Variants in RNF216 observed in about 807,000 individuals in gnomAD.
RNF216 encodes the protein ring finger protein 216, also known as E3 ubiquitin-protein ligase RNF216.
A neutral mutation model predicts 110.8 loss-of-function variants in RNF216; 72 were observed. That is an observed-to-expected ratio of 0.65 (90% CI 0.54 to 0.79). RNF216 has a LOEUF of 0.79. Among genes scored for constraint, RNF216 ranks in the 30% least tolerant of loss-of-function variants. The probability of loss-of-function intolerance (pLI) is 0.00; values close to 1 mark genes in which losing one functional copy is unlikely to be tolerated. For synonymous variants in RNF216, 495 were observed against 407.5 expected (o/e 1.21, Z -2.59); for missense variants, 1,342 against 1,141.2 (o/e 1.18, Z -2.54).
At chr7:5,735,498 C>G (rs6463508) in intron 5 of RNF216, among the ~76,000 whole-genome samples, 149,016 of 152,336 alleles carry the variant, frequency 0.98, 72,899 homozygotes, top group Middle Eastern at 0.99. Context: ...ATAACCAAGA[C>G]AATTAAAAGC....
At chr7:5,710,850 C>A (rs185845343) in intron 13 of RNF216, among the ~76,000 whole-genome samples, 1 of 152,210 alleles carries the variant, frequency 6.6e-6, no homozygotes. Flanking sequence ...ACAAGGGACA[C>A]GCTAGCACTC....
intron 13 of RNF216, among the ~76,000 whole-genome samples, chr7:5,664,045 G>A (rs778637618): frequency 6.6e-6 from 1 of 152,156 alleles, no homozygotes. Flanking sequence ...TACATCTCAG[G>A]TATCTTTGGA....
chr7:5,752,717 A>G (rs1795396162), intron 3 of RNF216, 129 bp downstream of exon 3: 1 of 819,940 alleles, frequency 1.2e-6, no homozygotes, highest in African/African-American at 1.7e-5. Flanking sequence ...CACGAGGTAG[A>G]ATGGAAAAGG....
intron 3 of RNF216, among the ~76,000 whole-genome samples, chr7:5,748,532 G>A (rs887884850): frequency 6.6e-6 from 1 of 151,796 alleles, no homozygotes; most frequent in African/African-American, 2.4e-5. Flanking sequence ...GTGAGCCACC[G>A]TGTCCAGTTT....
chr7:5,670,297 C>G (rs889733347), intron 13 of RNF216, among the ~76,000 whole-genome samples: 4 of 152,060 alleles, frequency 2.6e-5, no homozygotes, highest in Admixed American at 6.6e-5. Context: ...TGCACATGCA[C>G]TGCTCCCCTG....
intron 13 of RNF216, among the ~76,000 whole-genome samples, chr7:5,684,935 A>T (rs1400981012): frequency 6.6e-6 from 1 of 152,046 alleles, no homozygotes; most frequent in African/African-American, 2.4e-5. Flanking sequence ...GTTAGTCTGT[A>T]GCTTTGTCAC....
At chr7:5,661,526 G>T (rs1425739026) in intron 13 of RNF216, among the ~76,000 whole-genome samples, 1 of 152,158 alleles carries the variant, frequency 6.6e-6, no homozygotes, top group East Asian at 1.9e-4. Flanking sequence ...AATACGGCTG[G>T]GCATGGTGGT....
At chr7:5,688,512 A>C (rs148626128) in intron 13 of RNF216, among the ~76,000 whole-genome samples, 4 of 152,258 alleles carry the variant, frequency 2.6e-5, no homozygotes, top group Admixed American at 1.3e-4. Context: ...ACAAAAAGCA[A>C]AAACTCCCCT....
At chr7:5,744,844 T>C (rs1467230083) in intron 3 of RNF216, among the ~76,000 whole-genome samples, 2 of 152,046 alleles carry the variant, frequency 1.3e-5, no homozygotes, top group Non-Finnish European at 2.9e-5. Context: ...TGGTAGCGCA[T>C]GCCTGTAATC....
chr7:5,750,957 C>T (rs1795297049), intron 3 of RNF216, among the ~76,000 whole-genome samples: 1 of 152,096 alleles, frequency 6.6e-6, no homozygotes, highest in African/African-American at 2.4e-5. Flanking sequence ...TAAAACACAG[C>T]AAGTATTGCA....
chr7:5,732,676 T>C (rs545378944), intron 5 of RNF216, among the ~76,000 whole-genome samples: 2 of 152,170 alleles, frequency 1.3e-5, no homozygotes, highest in Non-Finnish European at 2.9e-5. Context: ...GCACAGAAAA[T>C]GAAGGACAAA....
At chr7:5,732,985 C>CT (rs1007208073) in intron 5 of RNF216, 7 of 152,214 alleles carry the variant, frequency 4.6e-5, no homozygotes, top group Non-Finnish European at 8.8e-5. Context: ...ATGTGGTTCT[C>CT]TAATGAATAG....
rs1786290942 is a variant in RNF216, at chr7:5,620,573, G to A, written c.*2287C>T. ...TGGTCCCCCGTGCCTGGCTCGGGGA[G>A]GATCCTCAGGAATCAGGGACCCTCC... On this transcript the variant is annotated 3_prime_UTR_variant, in exon 17 of 17. Coordinates refer to ENST00000389902, the MANE Select transcript of RNF216 (RefSeq NM_207111.4). 6.6e-6 allele frequency: 1 copy of A among 152,434 alleles called. No homozygotes were observed. Among genetic ancestry groups the A allele is most frequent in the Non-Finnish European group, 1.5e-5 (1 of 68,116 alleles). 9.4% of individuals were successfully genotyped at this position (152,434 alleles called of 1,614,324 possible).
At chr7:5,685,821 T>C (rs1790942627) in intron 13 of RNF216, among the ~76,000 whole-genome samples, 1 of 152,238 alleles carries the variant, frequency 6.6e-6, no homozygotes, top group Non-Finnish European at 1.5e-5. Context: ...TGTAATTAAA[T>C]ATGTATGTTA....
chr7:5,633,383 C>T (rs1342196346), intron 15 of RNF216, among the ~76,000 whole-genome samples: 1 of 151,950 alleles, frequency 6.6e-6, no homozygotes, highest in Non-Finnish European at 1.5e-5. Flanking sequence ...TGAGACCAGT[C>T]TGATCAACAC....
At chr7:5,762,709 CA>C (rs923010376) in intron 1 of RNF216, among the ~76,000 whole-genome samples, 15 of 147,116 alleles carry the variant, frequency 1.0e-4, no homozygotes, top group African/African-American at 2.5e-4. Flanking sequence ...AACAAACAAA[CA>C]AAAAAAAAAT....
In RNF216 at chr7:5,620,530, G is replaced by T. The variant is rs1289981936; in HGVS notation, c.*2330C>A. On this transcript the variant is annotated 3_prime_UTR_variant, in exon 17 of 17. Transcript: ENST00000389902. Reference sequence around the variant, plus strand: ...AGAGGGGCCTGGAGAACCAGGGTGGGTGCTCACGGCAGCCCTGTGGTCCCC... The same window carrying T: ...AGAGGGGCCTGGAGAACCAGGGTGGTTGCTCACGGCAGCCCTGTGGTCCCC... 2.6e-5 allele frequency: 4 copies of T among 152,286 alleles called. No homozygotes were observed. Among genetic ancestry groups the T allele is most frequent in the African/African-American group, 9.6e-5 (4 of 41,472 alleles). The allele number at this position is 152,286 out of a possible 1,614,324, so 9.4% of individuals were successfully genotyped here. A position where few individuals can be genotyped will look rare whatever the true frequency, so the allele number is the denominator to read the frequency against.
chr7:5,719,231 C>G (rs1478998583), intron 9 of RNF216, among the ~76,000 whole-genome samples: 2 of 151,992 alleles, frequency 1.3e-5, no homozygotes, highest in Non-Finnish European at 2.9e-5. Context: ...AAAAGTTAGC[C>G]AGGTGTGGTG....
At chr7:5,706,062 T>C (rs1018638570) in intron 13 of RNF216, among the ~76,000 whole-genome samples, 6 of 145,084 alleles carry the variant, frequency 4.1e-5, no homozygotes, top group African/African-American at 1.3e-4. Context: ...CTACTAAAAA[T>C]GCAAAAAATT....
Sources: gnomAD v4.1 joint callset for allele counts (sites outside exome capture counted in the v4.1 genomes callset) on GRCh38, gnomAD v4.1.1 for gene constraint, MANE v1.5 for transcripts, NCBI Gene and HGNC (gene_info 2026-07-23, HGNC 2026-07-21) for gene names.